The following SMAGP variants were observed in gnomAD, a reference collection of about 807,000 sequenced individuals.
SMAGP encodes small cell adhesion glycoprotein, also known as small cell transmembrane and glycosylated protein.
SMAGP carries 7 observed loss-of-function variants against 10.1 expected under a neutral mutation model. The observed-to-expected ratio is 0.70, with a 90% CI of 0.40 to 1.31. The LOEUF is 1.31. SMAGP is among the 50% of genes most tolerant of loss of function. SMAGP has a pLI of 0.01. For missense variants in SMAGP, 113 were observed against 116.5 expected, an observed-to-expected ratio of 0.97 and a Z score of 0.14; for synonymous variants, 49 against 47.2, an observed-to-expected ratio of 1.04 and a Z score of -0.16.
intron 2 of SMAGP, among the ~76,000 whole-genome samples, chr12:51,258,568 G>A (rs1473672473): frequency 3.3e-5 from 5 of 151,744 alleles, no homozygotes; most frequent in Non-Finnish European, 1.5e-5. Context: ...CTCCAGCCTG[G>A]GCAACAAGAG....
At chr12:51,253,634 A>G (rs1235369995) in intron 2 of SMAGP, 1 of 152,328 alleles carries the variant, frequency 6.6e-6, no homozygotes, top group East Asian at 1.9e-4. Flanking sequence ...GAATTCAGAC[A>G]TATACTACAA....
At chr12:51,246,947 T>A in intron 2 of SMAGP, 116 bp from the exon 3 acceptor site, 1 of 646,016 alleles carries the variant, frequency 1.5e-6, no homozygotes, top group South Asian at 2.3e-5. Flanking sequence ...AGTTTATCAT[T>A]TAACTCCTAG....
chr12:51,255,395 A>G (rs1030717298), intron 2 of SMAGP, among the ~76,000 whole-genome samples: 4 of 152,160 alleles, frequency 2.6e-5, no homozygotes, highest in Non-Finnish European at 5.9e-5. Flanking sequence ...AATCTCCTAC[A>G]GATCTCGTTA....
chr12:51,250,279 G>A (rs1307925273), intron 2 of SMAGP, among the ~76,000 whole-genome samples: 2 of 151,940 alleles, frequency 1.3e-5, no homozygotes, highest in Admixed American at 6.6e-5. Flanking sequence ...ATACTCATGA[G>A]GCTGAAGTGG....
intron 2 of SMAGP, among the ~76,000 whole-genome samples, chr12:51,264,613 A>G (rs1241805121): frequency 4.0e-5 from 6 of 149,658 alleles, no homozygotes; most frequent in Non-Finnish European, 5.9e-5. Flanking sequence ...GCAACAGAGT[A>G]AGATCCCATC....
At position 51,254,274 on chromosome 12, in the gene SMAGP, C is replaced by T. The variant is rs554354897; in HGVS notation, c.35-7443G>A. ...AGACAATAAATAAAATAAGGCCGGG[C>T]GCGGTGGCTCATGCCTGTAATCCCA... On this transcript the variant is annotated intron_variant, in intron 2 of 3. Coordinates refer to ENST00000603798, the MANE Select transcript of SMAGP (RefSeq NM_001031628.2). 4.5e-4 allele frequency among the ~76,000 whole-genome samples: 68 copies of T among 152,238 alleles called. 2 individuals are homozygous for T. In the East Asian group the frequency reaches 8.9e-3, roughly 20 times the overall value.
intron 2 of SMAGP, among the ~76,000 whole-genome samples, chr12:51,256,424 T>TA (rs1327217061): frequency 6.6e-6 from 1 of 150,570 alleles, no homozygotes; most frequent in Non-Finnish European, 1.5e-5. Context: ...CAGCTCTATT[T>TA]AAAAAAACAC....
intron 2 of SMAGP, among the ~76,000 whole-genome samples, chr12:51,267,790 C>G (rs1197205142): frequency 6.6e-6 from 1 of 152,094 alleles, no homozygotes; most frequent in Non-Finnish European, 1.5e-5. Context: ...CATACCTGGC[C>G]ATTTCTCTCT....
intron 1 of SMAGP, 168 bp from the exon 2 acceptor site, chr12:51,269,484 C>G: frequency 1.7e-6 from 1 of 590,972 alleles, no homozygotes; most frequent in South Asian, 2.0e-5. Context: ...CAGGTACCAA[C>G]AGCTCTCCAC....
chr12:51,254,636 G>C (rs1360521991), intron 2 of SMAGP, among the ~76,000 whole-genome samples: 1 of 152,180 alleles, frequency 6.6e-6, no homozygotes. Context: ...AAGCAGAAAA[G>C]AGGATGGAAA....
chr12:51,254,046 G>A (rs1484252926), intron 2 of SMAGP, among the ~76,000 whole-genome samples: 1 of 152,120 alleles, frequency 6.6e-6, no homozygotes, highest in African/African-American at 2.4e-5. Context: ...TGTTTAATGA[G>A]TATAGAGTTT....
chr12:51,248,434 A>ACACACACTCT (rs1188710796), intron 2 of SMAGP, among the ~76,000 whole-genome samples: 1 of 77,564 alleles, frequency 1.3e-5, no homozygotes, highest in African/African-American at 5.1e-5. Context: ...ACACACACAC[A>ACACACACTCT]CTCTCTCTCT....
intron 2 of SMAGP, among the ~76,000 whole-genome samples, chr12:51,255,795 A>G (rs1044012859): frequency 6.6e-6 from 1 of 152,060 alleles, no homozygotes. Context: ...TTTTTGAGAC[A>G]GGGTCTTGCT....
intron 2 of SMAGP, among the ~76,000 whole-genome samples, chr12:51,266,822 C>T (rs1944978629): frequency 6.6e-6 from 1 of 152,054 alleles, no homozygotes; most frequent in African/African-American, 2.4e-5. Flanking sequence ...GTTTATTTTA[C>T]CATAAATTTT....
intron 2 of SMAGP, among the ~76,000 whole-genome samples, chr12:51,266,661 G>GA (rs1162904722): frequency 6.6e-6 from 1 of 152,114 alleles, no homozygotes; most frequent in Non-Finnish European, 1.5e-5. Context: ...GTATGTACAG[G>GA]AAAAAACACA....
At chr12:51,253,248 A>G (rs983856814) in intron 2 of SMAGP, among the ~76,000 whole-genome samples, 6 of 152,146 alleles carry the variant, frequency 3.9e-5, no homozygotes, top group Non-Finnish European at 5.9e-5. Flanking sequence ...CTAGACAGGG[A>G]AATTAAACAG....
chr12:51,255,014 G>T (rs749001385), intron 2 of SMAGP, among the ~76,000 whole-genome samples: 2 of 152,038 alleles, frequency 1.3e-5, no homozygotes, highest in Non-Finnish European at 2.9e-5. Context: ...GGCAGAGACT[G>T]ATCAGATTTT....
chr12:51,255,390 C>T (rs1329518853), intron 2 of SMAGP, among the ~76,000 whole-genome samples: 2 of 152,116 alleles, frequency 1.3e-5, no homozygotes, highest in African/African-American at 4.8e-5. Context: ...ATAACAATCT[C>T]CTACAGATCT....
chr12:51,259,889 GT>G (rs1944916884), intron 2 of SMAGP, among the ~76,000 whole-genome samples: 1 of 151,758 alleles, frequency 6.6e-6, no homozygotes, highest in South Asian at 2.1e-4. Flanking sequence ...AATTTTTAAA[GT>G]TTTTTGTAGA....
Sources: allele counts gnomAD v4.1 joint callset (sites outside exome capture counted in the v4.1 genomes callset), GRCh38; gene constraint gnomAD v4.1.1; transcripts MANE v1.5; gene names NCBI Gene and HGNC (gene_info 2026-07-23, HGNC 2026-07-21).